Variants in ZSCAN4 observed in about 807,000 individuals in gnomAD.
ZSCAN4 encodes the protein zinc finger and SCAN domain containing 4.
Under a neutral mutation model 18.3 loss-of-function variants are expected in ZSCAN4, and 18 were observed. That is an observed-to-expected ratio of 0.98 (90% CI 0.68 to 1.46). The LOEUF is 1.46. Ranked by LOEUF, ZSCAN4 falls within the 40% of genes most tolerant of loss-of-function variation. The pLI is 0.00. For missense variants in ZSCAN4, 498 were observed against 511.4 expected, an observed-to-expected ratio of 0.97 and a Z score of 0.25; for synonymous variants, 193 against 180.3, an observed-to-expected ratio of 1.07 and a Z score of -0.57.
At chr19:57,678,505 A>C (rs536885944) in exon 5 of ZSCAN4, 1 of 1,614,200 alleles carries the variant, frequency 6.2e-7, no homozygotes, top group East Asian at 2.2e-5. Context: ...TGTGAGGTAC[A>C]TCAGAAAGGA....
At chr19:57,670,070 T>C (rs1409535576) in intron 1 of ZSCAN4, among the ~76,000 whole-genome samples, 175 bp from the exon 2 acceptor site, 1 of 151,834 alleles carries the variant, frequency 6.6e-6, no homozygotes, top group Non-Finnish European at 1.5e-5. Flanking sequence ...GCCCGGCTAA[T>C]TTTTGTATTT....
intron 3 of ZSCAN4, among the ~76,000 whole-genome samples, chr19:57,676,979 A>C (rs1265917981): frequency 6.6e-6 from 1 of 152,122 alleles, no homozygotes; most frequent in African/African-American, 2.4e-5. Context: ...GCGTTCCACC[A>C]TGTTGGCCAG....
At chr19:57,673,601 T>G (rs1323138751) in intron 2 of ZSCAN4, among the ~76,000 whole-genome samples, 1 of 152,144 alleles carries the variant, frequency 6.6e-6, no homozygotes, top group Admixed American at 6.5e-5. Context: ...CACTGCACTC[T>G]AGCCTGTCTG....
intron 3 of ZSCAN4, 107 bp downstream of exon 3, chr19:57,676,648 T>TTATTA (rs773561660): frequency 1.9e-4 from 238 of 1,281,320 alleles, no homozygotes; most frequent in Non-Finnish European, 2.4e-4. Flanking sequence ...GGAGGTCCAG[T>TTATTA]TATTAGTCAG....
the ZSCAN4 span, among the ~76,000 whole-genome samples, chr19:57,654,523 T>A: frequency 6.6e-6 from 1 of 152,164 alleles, no homozygotes; most frequent in East Asian, 1.9e-4. Flanking sequence ...AACTCATTCG[T>A]TGGAAATTCC....
the ZSCAN4 span, among the ~76,000 whole-genome samples, chr19:57,655,897 T>C: frequency 6.6e-6 from 1 of 151,984 alleles, no homozygotes; most frequent in South Asian, 2.1e-4. Flanking sequence ...GGCTACACCA[T>C]CGTTGCCAAA....
the ZSCAN4 span, among the ~76,000 whole-genome samples, chr19:57,657,943 G>C: frequency 6.6e-5 from 10 of 152,074 alleles, no homozygotes; most frequent in African/African-American, 1.2e-4. Context: ...ACCCAAAAAA[G>C]GTCTGTGCAT....
the ZSCAN4 span, among the ~76,000 whole-genome samples, chr19:57,653,276 A>G: frequency 1.2e-3 from 180 of 151,876 alleles, no homozygotes; most frequent in African/African-American, 4.3e-3. Flanking sequence ...AATCCCAGCC[A>G]CTCAGGAGGC....
chr19:57,661,251 C>T, the ZSCAN4 span, among the ~76,000 whole-genome samples: 5,544 of 152,258 alleles, frequency 0.036, 331 homozygotes, highest in African/African-American at 0.12. Context: ...CCTTCTTCCA[C>T]AACCTCAACC....
At chr19:57,664,381 G>C (rs1983799324), upstream of ZSCAN4, 1 of 152,864 alleles carries the variant, frequency 6.5e-6, no homozygotes, top group Non-Finnish European at 1.5e-5. Context: ...GGCTCTAGGC[G>C]CTGTGGCCGC....
chr19:57,653,498 T>A, the ZSCAN4 span, among the ~76,000 whole-genome samples: 1 of 151,854 alleles, frequency 6.6e-6, no homozygotes, highest in Admixed American at 6.6e-5. Flanking sequence ...AAGGGCAGAA[T>A]CTATCTCCAC....
At chr19:57,673,307 G>A (rs113316484) in intron 2 of ZSCAN4, among the ~76,000 whole-genome samples, 13 of 152,094 alleles carry the variant, frequency 8.5e-5, no homozygotes, top group Non-Finnish European at 1.3e-4. Flanking sequence ...GATTACAGGC[G>A]CGAGTCACCG....
chr19:57,652,363 T>C, the ZSCAN4 span, among the ~76,000 whole-genome samples: 2 of 152,204 alleles, frequency 1.3e-5, no homozygotes, highest in African/African-American at 4.8e-5. Context: ...TCCAATGCAA[T>C]GGTAAATCGT....
At chr19:57,674,561 A>G (rs1025090488) in intron 2 of ZSCAN4, among the ~76,000 whole-genome samples, 1 of 152,056 alleles carries the variant, frequency 6.6e-6, no homozygotes, top group Admixed American at 6.6e-5. Flanking sequence ...TTCTTTATCC[A>G]GTCAACCACT....
chr19:57,676,138 T>G lies in ZSCAN4; in HGVS notation c.-8T>G, dbSNP rs781060222. The G allele has an allele frequency of 6.9e-6, 11 of 1,593,088 alleles. 1 individual carries two copies. The Admixed American group carries it at 2.0e-4, about 29-fold the overall frequency. On this transcript the variant is annotated 5_prime_UTR_variant, in exon 3 of 5. The change creates a new upstream start codon in the 5' untranslated region. Transcript: ENST00000318203. ...AAAGTAAAGTCTCTCTGAGAATTAT[T>G]GCTAAGAATGGCTTTAGATCTAAGA...
intron 3 of ZSCAN4, among the ~76,000 whole-genome samples, chr19:57,677,634 G>T (rs1170928779): frequency 1.3e-5 from 2 of 152,142 alleles, no homozygotes; most frequent in African/African-American, 4.8e-5. Flanking sequence ...CTCATGTATT[G>T]ATCAGTTGAC....
At chr19:57,659,276 A>G in the ZSCAN4 span, among the ~76,000 whole-genome samples, 7 of 152,186 alleles carry the variant, frequency 4.6e-5, no homozygotes, top group Non-Finnish European at 1.0e-4. Flanking sequence ...CTTACTGCTT[A>G]CTGTCTGTTT....
rs778323454 is a variant in ZSCAN4 at position 57,676,518 on chromosome 19, G to A, written c.373G>A (p.Asp125Asn). ...GAGATTCATAGAAGACCTGACTGAT[G>A]ACAGCATAAATCCACCTGCCTTAGT... The change falls in exon 3 of 5, where the codon GAC (aspartate) becomes AAC (asparagine). Residue 125 changes from aspartate (D) to asparagine (N), a missense_variant. By Grantham distance (23) the Asp-to-Asn change is conservative (BLOSUM62 1). Transcript: ENST00000318203. The A allele has an allele frequency of 3.1e-6, 5 of 1,613,626 alleles. No homozygotes were observed. In the South Asian group the frequency reaches 4.4e-5, roughly 14 times the overall value.
intron 2 of ZSCAN4, among the ~76,000 whole-genome samples, 169 bp downstream of exon 2, chr19:57,670,736 G>A (rs1053614270): frequency 2.0e-5 from 3 of 152,220 alleles, no homozygotes; most frequent in Non-Finnish European, 4.4e-5. Context: ...TCTCCCAGGT[G>A]TAGGGAATGG....
Sources: gnomAD v4.1 joint callset for allele counts (sites outside exome capture counted in the v4.1 genomes callset) on GRCh38, gnomAD v4.1.1 for gene constraint, MANE v1.5 for transcripts, NCBI Gene and HGNC (gene_info 2026-07-23, HGNC 2026-07-21) for gene names.